The following CLASP1 variants were observed in gnomAD, a reference collection of about 807,000 sequenced individuals.
The protein encoded by CLASP1 is cytoplasmic linker associated protein 1.
In CLASP1, 38 loss-of-function variants were observed where a neutral mutation model predicts 192.3. The observed-to-expected ratio is 0.20, with a 90% CI of 0.15 to 0.26. The LOEUF (loss-of-function observed/expected upper bound fraction) is 0.26. Among genes scored for constraint, CLASP1 ranks in the 10% least tolerant of loss-of-function variants. The probability of loss-of-function intolerance (pLI) is 1.00; values close to 1 mark genes in which losing one functional copy is unlikely to be tolerated. For synonymous variants in CLASP1, 691 were observed against 712.8 expected, an observed-to-expected ratio of 0.97 and a Z score of 0.49; for missense variants, 1,433 against 1,932.5, an observed-to-expected ratio of 0.74 and a Z score of 4.85.
At chr2:121,481,905 C>T (rs548987933) in intron 8 of CLASP1, among the ~76,000 whole-genome samples, 1 of 152,266 alleles carries the variant, frequency 6.6e-6, no homozygotes, top group African/African-American at 2.4e-5. Context: ...TGCAGTCCAA[C>T]GTGGGAACAC....
intron 2 of CLASP1, among the ~76,000 whole-genome samples, chr2:121,596,778 G>A (rs2063190698): frequency 6.6e-6 from 1 of 152,146 alleles, no homozygotes; most frequent in Admixed American, 6.5e-5. Context: ...ATACCCTAAT[G>A]TTTCTTCTTT....
intron 8 of CLASP1, chr2:121,490,358 G>A: frequency 6.8e-6 from 3 of 439,114 alleles, no homozygotes; most frequent in South Asian, 4.9e-5. Context: ...AGCAACTTAA[G>A]CATCAGCAAA....
chr2:121,437,478 T>A (rs965348651), intron 19 of CLASP1, among the ~76,000 whole-genome samples: 3 of 152,196 alleles, frequency 2.0e-5, no homozygotes, highest in Non-Finnish European at 4.4e-5. Context: ...CCAAAGAAGA[T>A]CTCTGATTTT....
intron 2 of CLASP1, among the ~76,000 whole-genome samples, chr2:121,593,186 G>C (rs770937389): frequency 6.6e-5 from 10 of 152,314 alleles, no homozygotes; most frequent in Non-Finnish European, 1.2e-4. Context: ...CACATCTACA[G>C]TATTCCTGCC....
chr2:121,473,880 A>G (rs555524599), intron 8 of CLASP1, among the ~76,000 whole-genome samples: 1 of 151,976 alleles, frequency 6.6e-6, no homozygotes, highest in East Asian at 1.9e-4. Context: ...ATAAAGGCAA[A>G]ATAAAAACTC....
At chr2:121,429,312 G>A (rs2080975709) in intron 20 of CLASP1, among the ~76,000 whole-genome samples, 1 of 152,182 alleles carries the variant, frequency 6.6e-6, no homozygotes. Context: ...ACCGCATGCA[G>A]CTCCTGGGGA....
At chr2:121,432,361 C>CA (rs2081581672) in intron 19 of CLASP1, among the ~76,000 whole-genome samples, 1 of 152,154 alleles carries the variant, frequency 6.6e-6, no homozygotes, top group Non-Finnish European at 1.5e-5. Flanking sequence ...TCAAGTGATC[C>CA]ACCCGCCCTG....
chr2:121,618,674 T>C (rs1333375418), intron 1 of CLASP1, among the ~76,000 whole-genome samples: 2 of 141,344 alleles, frequency 1.4e-5, no homozygotes, highest in African/African-American at 6.2e-5. Flanking sequence ...AATTTTTTAA[T>C]GCAAAAATAA....
intron 30 of CLASP1, among the ~76,000 whole-genome samples, chr2:121,395,452 C>G (rs2075123284): frequency 1.3e-5 from 2 of 152,140 alleles, no homozygotes; most frequent in South Asian, 2.1e-4. Flanking sequence ...CTATGTTACT[C>G]CAGGTATATG....
intron 2 of CLASP1, among the ~76,000 whole-genome samples, chr2:121,578,184 C>T (rs1047754942): frequency 1.3e-5 from 2 of 151,874 alleles, no homozygotes; most frequent in Admixed American, 6.6e-5. Flanking sequence ...CCGCCCACCT[C>T]GGCATCCCAA....
intron 1 of CLASP1, among the ~76,000 whole-genome samples, chr2:121,638,640 A>G (rs2071371358): frequency 1.3e-5 from 2 of 151,482 alleles, no homozygotes; most frequent in Admixed American, 1.3e-4. Context: ...AACATTACTC[A>G]GCAATAAAAA....
intron 2 of CLASP1, among the ~76,000 whole-genome samples, chr2:121,536,225 C>T (rs1370310652): frequency 6.6e-6 from 1 of 150,800 alleles, no homozygotes; most frequent in African/African-American, 2.4e-5. Context: ...AGTAAAAATA[C>T]AAAAAATTAG....
intron 2 of CLASP1, among the ~76,000 whole-genome samples, chr2:121,558,170 T>C (rs1297950701): frequency 1.3e-5 from 2 of 152,072 alleles, no homozygotes; most frequent in Admixed American, 1.3e-4. Context: ...TTATAAAGCA[T>C]ATGTAAAACA....
chr2:121,357,730 G>A (rs1028843831), intron 37 of CLASP1, among the ~76,000 whole-genome samples: 2 of 152,188 alleles, frequency 1.3e-5, no homozygotes, highest in Admixed American at 6.5e-5. Context: ...TTACAAGCCT[G>A]TGAGGTGGGC....
At chr2:121,531,065 T>G (rs72969391) in intron 2 of CLASP1, 2 of 692,678 alleles carry the variant, frequency 2.9e-6, no homozygotes, top group Non-Finnish European at 5.3e-6. Flanking sequence ...GTAAATAAAC[T>G]AGTACTTTGT....
At chr2:121,466,214 CT>C (rs1262638501) in intron 9 of CLASP1, among the ~76,000 whole-genome samples, 7 of 152,092 alleles carry the variant, frequency 4.6e-5, no homozygotes. Flanking sequence ...TTTAAAATGG[CT>C]AATTTTATGT....
chr2:121,402,656 T>C (rs1410211639), intron 26 of CLASP1: 4 of 518,916 alleles, frequency 7.7e-6, no homozygotes, highest in South Asian at 5.6e-5. Context: ...TGCTTCTGAA[T>C]CAGCAATCTA....
intron 6 of CLASP1, among the ~76,000 whole-genome samples, chr2:121,521,762 A>G (rs1210911193): frequency 6.6e-6 from 1 of 152,208 alleles, no homozygotes; most frequent in Non-Finnish European, 1.5e-5. Context: ...GATTCTCCGC[A>G]CACTGGCTTT....
intron 14 of CLASP1, among the ~76,000 whole-genome samples, chr2:121,456,722 A>G (rs1360284841): frequency 6.6e-6 from 1 of 152,184 alleles, no homozygotes; most frequent in East Asian, 1.9e-4. Flanking sequence ...ATAGAAACCC[A>G]GCAGGATCAA....
Sources: allele counts gnomAD v4.1 joint callset (sites outside exome capture counted in the v4.1 genomes callset), GRCh38; gene constraint gnomAD v4.1.1; transcripts MANE v1.5; gene names NCBI Gene and HGNC (gene_info 2026-07-23, HGNC 2026-07-21).